Variants in ARLN observed in about 807,000 individuals in gnomAD.
The protein encoded by ARLN is sarcoplasmic/endoplasmic reticulum calcium ATPase regulator ARLN.
the ARLN span, chr4:119,300,598 T>A: frequency 3.1e-6 from 5 of 1,611,350 alleles, no homozygotes; most frequent in South Asian, 5.5e-5. Context: ...CGGACTTTGG[T>A]GTTCGCCGCA....
chr4:119,300,817 G>A, the ARLN span: 2 of 1,437,446 alleles, frequency 1.4e-6, no homozygotes, highest in Non-Finnish European at 1.8e-6. Context: ...GCAGATAGCT[G>A]GTTATTCAGG....
chr4:119,299,378 G>A, the ARLN span, among the ~76,000 whole-genome samples: 2 of 152,198 alleles, frequency 1.3e-5, no homozygotes, highest in African/African-American at 2.4e-5. Context: ...CTATCAAGAA[G>A]TGAGAATTTC....
At chr4:119,304,427 T>G in the ARLN span, 2 of 1,534,690 alleles carry the variant, frequency 1.3e-6, no homozygotes, top group East Asian at 4.9e-5. Context: ...TTAATGGGGC[T>G]ATTTATTAGA....
At chr4:119,297,024 A>G in the ARLN span, 4 of 152,228 alleles carry the variant, frequency 2.6e-5, no homozygotes, top group Non-Finnish European at 4.4e-5. Flanking sequence ...ACCACCAGGT[A>G]ATTTGTTAGA....
chr4:119,297,747 G>A, the ARLN span: 2 of 152,756 alleles, frequency 1.3e-5, no homozygotes, highest in African/African-American at 4.8e-5. Flanking sequence ...GTGAGCCACT[G>A]TGCCCGGCCA....
the ARLN span, among the ~76,000 whole-genome samples, chr4:119,299,812 G>A: frequency 6.6e-6 from 1 of 152,150 alleles, no homozygotes; most frequent in Admixed American, 6.5e-5. Flanking sequence ...GTAAATTTGG[G>A]TAAGAAGCTG....
the ARLN span, chr4:119,297,175 T>G: frequency 6.6e-6 from 1 of 152,226 alleles, no homozygotes; most frequent in African/African-American, 2.4e-5. Flanking sequence ...CAACCATACC[T>G]TCCATAGATG....
the ARLN span, chr4:119,297,996 C>G: frequency 1.6e-4 from 25 of 152,334 alleles, no homozygotes; most frequent in Non-Finnish European, 2.6e-4. Context: ...AATATGCTGA[C>G]TTTGCTGAAG....
chr4:119,298,686 T>C, the ARLN span: 7 of 706,186 alleles, frequency 9.9e-6, no homozygotes, highest in Middle Eastern at 2.6e-4. Context: ...AATTCTTCTA[T>C]TGAGAGTCCT....
the ARLN span, among the ~76,000 whole-genome samples, chr4:119,303,103 T>C: frequency 1.3e-5 from 2 of 152,218 alleles, no homozygotes; most frequent in Non-Finnish European, 2.9e-5. Flanking sequence ...ATCTTAACTT[T>C]GTCTTTTCCT....
At chr4:119,304,285 A>T in the ARLN span, 15 of 1,536,774 alleles carry the variant, frequency 9.8e-6, no homozygotes, top group African/African-American at 1.4e-5. Flanking sequence ...TCCACCTTCT[A>T]TGTCATGTTT....
the ARLN span, among the ~76,000 whole-genome samples, chr4:119,299,693 G>A: frequency 6.6e-6 from 1 of 152,290 alleles, no homozygotes; most frequent in East Asian, 1.9e-4. Flanking sequence ...GTAACTTGGT[G>A]TTTTAGGATA....
chr4:119,300,078 C>T, the ARLN span, among the ~76,000 whole-genome samples: 3 of 151,962 alleles, frequency 2.0e-5, no homozygotes, highest in Non-Finnish European at 4.4e-5. Flanking sequence ...GAACTCAAGC[C>T]TAGCTGGTTT....
chr4:119,300,641 A>C, the ARLN span: 1 of 1,578,100 alleles, frequency 6.3e-7, no homozygotes, highest in East Asian at 2.3e-5. Flanking sequence ...CCGCCTGCGC[A>C]GTGCGCCGCG....
chr4:119,297,253 T>G, the ARLN span: 3 of 152,326 alleles, frequency 2.0e-5, no homozygotes, highest in Admixed American at 2.0e-4. Flanking sequence ...AGCAATTATA[T>G]TCCAGACTTG....
chr4:119,302,835 A>G, the ARLN span, among the ~76,000 whole-genome samples: 1 of 152,218 alleles, frequency 6.6e-6, no homozygotes, highest in Non-Finnish European at 1.5e-5. Context: ...GTTTTTAAGA[A>G]GACGTTACAG....
chr4:119,303,797 T>A, the ARLN span, among the ~76,000 whole-genome samples: 1 of 152,130 alleles, frequency 6.6e-6, no homozygotes, highest in Non-Finnish European at 1.5e-5. Context: ...ATTGGGAGGA[T>A]CACTTGAGGT....
chr4:119,300,735 T>C, the ARLN span: 18 of 1,512,832 alleles, frequency 1.2e-5, no homozygotes, highest in East Asian at 2.5e-5. Flanking sequence ...CCGTGACCGC[T>C]GGCATGAAGC....
chr4:119,299,425 CAGTG>C, the ARLN span, among the ~76,000 whole-genome samples: 1 of 152,202 alleles, frequency 6.6e-6, no homozygotes, highest in African/African-American at 2.4e-5. Context: ...AAGGAGTTAA[CAGTG>C]AGTGAACAAT....
Sources: gnomAD v4.1 joint callset for allele counts (sites outside exome capture counted in the v4.1 genomes callset) on GRCh38, gnomAD v4.1.1 for gene constraint, MANE v1.5 for transcripts, NCBI Gene and HGNC (gene_info 2026-07-23, HGNC 2026-07-21) for gene names.